The following NFIA variants were observed in gnomAD, a reference collection of about 807,000 sequenced individuals.
NFIA encodes the protein nuclear factor I A.
A neutral mutation model predicts 62.8 loss-of-function variants in NFIA; 8 were observed. The ratio of observed to expected loss-of-function variants is 0.13; its 90% CI spans 0.07 to 0.23. The LOEUF is 0.23. Among genes scored for constraint, NFIA ranks in the 10% least tolerant of loss-of-function variants. The probability of loss-of-function intolerance (pLI) is 1.00; values close to 1 mark genes in which losing one functional copy is unlikely to be tolerated. For synonymous variants in NFIA, 235 were observed against 238.1 expected, an observed-to-expected ratio of 0.99 and a Z score of 0.12; for missense variants, 410 against 642.1, an observed-to-expected ratio of 0.64 and a Z score of 3.91.
At chr1:61,291,144 A>G (rs570106810) in intron 3 of NFIA, among the ~76,000 whole-genome samples, 2 of 152,340 alleles carry the variant, frequency 1.3e-5, no homozygotes, top group African/African-American at 4.8e-5. Context: ...AAGAAAGAAG[A>G]GAAAAGCAGG....
intron 2 of NFIA, among the ~76,000 whole-genome samples, chr1:61,133,648 G>T (rs1445337162): frequency 1.3e-5 from 2 of 152,160 alleles, no homozygotes; most frequent in Non-Finnish European, 2.9e-5. Context: ...CATTAATCAA[G>T]AATATATTGT....
chr1:61,178,214 C>T (rs774732745), intron 2 of NFIA, among the ~76,000 whole-genome samples: 1 of 152,142 alleles, frequency 6.6e-6, no homozygotes, highest in East Asian at 1.9e-4. Context: ...ATCACCCACA[C>T]TGGCAAATAA....
At chr1:61,437,547 T>C (rs1472459467) in intron 10 of NFIA, among the ~76,000 whole-genome samples, 1 of 152,136 alleles carries the variant, frequency 6.6e-6, no homozygotes, top group East Asian at 1.9e-4. Context: ...CCTGGCACCA[T>C]ACTAAGCTGG....
chr1:61,288,724 G>T (rs1181317481), intron 3 of NFIA, among the ~76,000 whole-genome samples: 3 of 152,162 alleles, frequency 2.0e-5, no homozygotes. Context: ...CTTTTAGGCT[G>T]CAGTACAGTT....
rs17122010 is a variant in NFIA, at chr1:61,370,449, C to T, written c.946+11175C>T. ...TATATCTCAAGTGGAAGAAAACTTC[C>T]GGAATAAAACGTCACTTTACTTTGA... On this transcript the variant is annotated intron_variant, in intron 6 of 10. Transcript: ENST00000403491. Among the ~76,000 whole-genome samples, 1,257 of 152,198 alleles carry T rather than the reference C, an allele frequency of 8.3e-3. 19 individuals carry two copies. Among genetic ancestry groups the T allele is most frequent in the East Asian group, 0.04 (206 of 5,178 alleles).
At chr1:61,429,813 G>C (rs1667024244) in intron 10 of NFIA, among the ~76,000 whole-genome samples, 1 of 152,174 alleles carries the variant, frequency 6.6e-6, no homozygotes, top group Non-Finnish European at 1.5e-5. Context: ...AAATAAGCCA[G>C]TCACAACAAA....
intron 2 of NFIA, among the ~76,000 whole-genome samples, chr1:61,222,870 T>C (rs1570407814): frequency 6.6e-6 from 1 of 152,180 alleles, no homozygotes; most frequent in South Asian, 2.1e-4. Context: ...ACTTTTCATG[T>C]GCAGTTTTAT....
chr1:61,298,067 G>C (rs577261559), intron 3 of NFIA, among the ~76,000 whole-genome samples: 1 of 152,070 alleles, frequency 6.6e-6, no homozygotes, highest in Non-Finnish European at 1.5e-5. Flanking sequence ...ATCTCATCTC[G>C]AATTGTAATC....
intron 3 of NFIA, among the ~76,000 whole-genome samples, chr1:61,302,719 A>T (rs146792857): frequency 6.6e-5 from 10 of 152,372 alleles, no homozygotes; most frequent in African/African-American, 2.4e-4. Flanking sequence ...AGATGTTCCC[A>T]AACATTTTAT....
intron 2 of NFIA, among the ~76,000 whole-genome samples, chr1:61,254,304 A>G (rs527631951): frequency 6.6e-6 from 1 of 152,338 alleles, no homozygotes; most frequent in Admixed American, 6.5e-5. Flanking sequence ...AGCTCCCTGC[A>G]TTGTCATATC....
chr1:61,412,187 T>C (rs1666134462), intron 9 of NFIA, among the ~76,000 whole-genome samples: 1 of 152,160 alleles, frequency 6.6e-6, no homozygotes. Flanking sequence ...ATTCTAGGTA[T>C]AAGGGATATA....
intron 2 of NFIA, among the ~76,000 whole-genome samples, chr1:61,209,795 T>G (rs552176726): frequency 6.6e-6 from 1 of 152,018 alleles, no homozygotes; most frequent in South Asian, 2.1e-4. Context: ...GAAGTTACAG[T>G]AAGCAGAGAT....
intron 2 of NFIA, among the ~76,000 whole-genome samples, chr1:61,200,288 C>T (rs2100588620): frequency 6.6e-6 from 1 of 151,536 alleles, no homozygotes; most frequent in Middle Eastern, 3.4e-3. Flanking sequence ...GTTTCCTCAT[C>T]TGTATGGGAT....
At chr1:61,291,115 C>T (rs1429756045) in intron 3 of NFIA, among the ~76,000 whole-genome samples, 3 of 152,184 alleles carry the variant, frequency 2.0e-5, no homozygotes, top group African/African-American at 7.2e-5. Context: ...TAGCCTTTAA[C>T]TTTATCTTAG....
intron 2 of NFIA, among the ~76,000 whole-genome samples, chr1:61,197,847 G>C (rs1485854890): frequency 1.3e-5 from 2 of 152,008 alleles, no homozygotes; most frequent in Non-Finnish European, 2.9e-5. Context: ...CGGGCTTGGT[G>C]GTGGGTGCCA....
intron 2 of NFIA, among the ~76,000 whole-genome samples, chr1:61,233,043 G>A (rs563336472): frequency 2.3e-4 from 35 of 152,176 alleles, no homozygotes; most frequent in African/African-American, 8.4e-4. Context: ...TGTGTATTTA[G>A]TGCCTTTATA....
intron 2 of NFIA, among the ~76,000 whole-genome samples, chr1:61,164,314 T>G (rs990095743): frequency 2.6e-5 from 4 of 152,178 alleles, no homozygotes; most frequent in Non-Finnish European, 5.9e-5. Flanking sequence ...TTTATTCCAT[T>G]TATCAGGAAA....
intron 9 of NFIA, among the ~76,000 whole-genome samples, chr1:61,409,467 T>G (rs922651846): frequency 6.6e-6 from 1 of 152,168 alleles, no homozygotes; most frequent in African/African-American, 2.4e-5. Flanking sequence ...CCTTTCAAAT[T>G]AAAAATCTTG....
chr1:61,415,734 T>G (rs1328260335), intron 9 of NFIA, among the ~76,000 whole-genome samples: 34 of 152,180 alleles, frequency 2.2e-4, no homozygotes, highest in Non-Finnish European at 4.4e-5. Context: ...GACATTTTAG[T>G]TTTTTATATA....
Sources: gnomAD v4.1 joint callset for allele counts (sites outside exome capture counted in the v4.1 genomes callset) on GRCh38, gnomAD v4.1.1 for gene constraint, MANE v1.5 for transcripts, NCBI Gene and HGNC (gene_info 2026-07-23, HGNC 2026-07-21) for gene names.